Variants in DNAJC3 observed in about 807,000 individuals in gnomAD.
The protein encoded by DNAJC3 is dnaJ homolog subfamily C member 3.
Under a neutral mutation model 68.6 loss-of-function variants are expected in DNAJC3, and 38 were observed. That is an observed-to-expected ratio of 0.55 (90% CI 0.43 to 0.73). The LOEUF is 0.73. DNAJC3 is among the 30% of genes least tolerant of loss of function. The pLI is 0.00. For synonymous variants in DNAJC3, 203 were observed against 204.0 expected (o/e 1.00, Z 0.04); for missense variants, 526 against 591.9 (o/e 0.89, Z 1.16).
intron 11 of DNAJC3, among the ~76,000 whole-genome samples, chr13:95,788,774 G>A (rs976708815): frequency 3.3e-5 from 5 of 152,030 alleles, no homozygotes; most frequent in Non-Finnish European, 5.9e-5. Flanking sequence ...CCACCCCTAC[G>A]GAGAGTTCAC....
chr13:95,730,522 A>G (rs977556134), intron 4 of DNAJC3, among the ~76,000 whole-genome samples: 1 of 152,178 alleles, frequency 6.6e-6, no homozygotes, highest in Admixed American at 6.5e-5. Context: ...AATCTGCTGC[A>G]TATAGATATC....
At chr13:95,779,922 G>T (rs574709190) in intron 9 of DNAJC3, among the ~76,000 whole-genome samples, 1 of 152,180 alleles carries the variant, frequency 6.6e-6, no homozygotes, top group African/African-American at 2.4e-5. Context: ...TATTGTGCCA[G>T]TTAAAAAAAA....
intron 2 of DNAJC3, among the ~76,000 whole-genome samples, chr13:95,714,587 A>G (rs1233094882): frequency 6.6e-6 from 1 of 152,234 alleles, no homozygotes; most frequent in African/African-American, 2.4e-5. Flanking sequence ...TCACCTTAAG[A>G]AATAGTGGTT....
At chr13:95,714,047 C>A (rs570837580) in intron 2 of DNAJC3, among the ~76,000 whole-genome samples, 41 of 152,242 alleles carry the variant, frequency 2.7e-4, no homozygotes, top group African/African-American at 9.4e-4. Context: ...CGTATGTACT[C>A]TATGAAGGTA....
chr13:95,717,295 A>G (rs1344116762), intron 2 of DNAJC3, among the ~76,000 whole-genome samples: 5 of 152,210 alleles, frequency 3.3e-5, no homozygotes, highest in Admixed American at 2.0e-4. Flanking sequence ...CTAGATTTTT[A>G]TATCACTTAA....
intron 11 of DNAJC3, 77 bp from the exon 12 acceptor site, chr13:95,790,796 T>G: frequency 1.7e-5 from 12 of 712,778 alleles, no homozygotes; most frequent in Non-Finnish European, 2.5e-5. Context: ...CCCACCCTCC[T>G]CTGCCCAAAG....
chr13:95,719,016 C>T (rs940376504), intron 2 of DNAJC3, among the ~76,000 whole-genome samples: 15 of 152,210 alleles, frequency 9.9e-5, no homozygotes, highest in African/African-American at 3.6e-4. Flanking sequence ...GTTGTTTTAC[C>T]TGTACTTCTG....
At position 95,788,560 on chromosome 13, in the gene DNAJC3, C is replaced by T. The variant is rs1229540322; in HGVS notation, c.1357+1405C>T. Among the ~76,000 whole-genome samples the T allele has an allele frequency of 2.6e-5, 4 of 152,194 alleles. 1 individual carries two copies. Among genetic ancestry groups the T allele is most frequent in the African/African-American group, 4.8e-5 (2 of 41,440 alleles). ...TTTAGGAATATGTTTAGTAGAATCA[C>T]ATGATGTATGCCAATCTGAAACTTA... On this transcript the variant is annotated intron_variant, in intron 11 of 11. Transcript: ENST00000602402.
In DNAJC3 at chr13:95,763,881, A is replaced by G. The variant is rs1014004477; in HGVS notation, c.1003A>G (p.Met335Val). ...TAGGGTTTGTTCTGAAGTTTTACAGATGGAACCTGACAATGTGAATGCCCT... is the reference window on the plus strand; with the variant it reads ...TAGGGTTTGTTCTGAAGTTTTACAGGTGGAACCTGACAATGTGAATGCCCT... ...AIRVCSEVLQMEPDNVNALKD... is the reference protein window; with the variant it reads ...AIRVCSEVLQVEPDNVNALKD... Residue 335 changes from methionine to valine, a missense_variant, in exon 9 of 12, where the codon ATG becomes GTG. Coordinates refer to ENST00000602402, the MANE Select transcript of DNAJC3 (RefSeq NM_006260.5). The G allele has an allele frequency of 6.2e-7, 1 of 1,614,124 alleles. No homozygotes were observed. The highest frequency in any genetic ancestry group is 8.5e-7 in the Non-Finnish European group (1 of 1,179,972).
In DNAJC3 at chr13:95,790,936, G is replaced by C; in HGVS notation, c.1421G>C (p.Gly474Ala). Residue 474 changes from glycine to alanine, a missense_variant, in exon 12 of 12, where the codon GGC becomes GCC. Transcript: ENST00000602402. The part of the protein sequence containing the change: ...PLDAESQQGG[G>A]GNPFHRSWNS... Reference sequence around the variant, plus strand: ...GATGCAGAGAGCCAGCAAGGAGGCGGCGGCAACCCTTTCCACAGAAGCTGG... The same window carrying C: ...GATGCAGAGAGCCAGCAAGGAGGCGCCGGCAACCCTTTCCACAGAAGCTGG... 6.2e-7 allele frequency: 1 copy of C among 1,609,752 alleles called. No individual in the cohort carries two copies. Among genetic ancestry groups the C allele is most frequent in the Non-Finnish European group, 8.5e-7 (1 of 1,179,078 alleles).
chr13:95,785,584 G>A (rs1438544750), intron 9 of DNAJC3, among the ~76,000 whole-genome samples: 5 of 144,964 alleles, frequency 3.4e-5, no homozygotes, highest in East Asian at 4.4e-4. Context: ...TCAGCCTCCC[G>A]AGTAGCTGGG....
intron 9 of DNAJC3, among the ~76,000 whole-genome samples, chr13:95,773,984 C>G (rs1594022338): frequency 6.6e-6 from 1 of 152,162 alleles, no homozygotes; most frequent in South Asian, 2.1e-4. Context: ...ATCCACCCGC[C>G]TTGGCCTCCC....
Position 95,691,944 on chromosome 13 carries a change from A to T in DNAJC3, c.82+14607A>T, listed in dbSNP as rs375812950. On this transcript the variant is annotated intron_variant, in intron 1 of 11. Transcript: ENST00000602402. ...GCGGCGCGCGCCTGCAATCGCAGGC[A>T]CTGGGCAGGTTGAGGCAGGAGAATC... Among the ~76,000 whole-genome samples, 5 of 152,340 alleles carry T rather than the reference A, an allele frequency of 3.3e-5. No homozygotes were observed. The East Asian group carries it at 7.7e-4, about 24-fold the overall frequency.
At chr13:95,681,369 G>A (rs996920913) in intron 1 of DNAJC3, among the ~76,000 whole-genome samples, 1 of 151,402 alleles carries the variant, frequency 6.6e-6, no homozygotes, top group Non-Finnish European at 1.5e-5. Context: ...ATTTTTTTTC[G>A]AGACAAGGTC....
Position 95,794,782 on chromosome 13 carries a change from G to A in DNAJC3, c.*3752G>A, listed in dbSNP as rs910825618. 2 of 152,198 alleles carry A rather than the reference G, an allele frequency of 1.3e-5. No homozygotes were observed. The highest frequency in any genetic ancestry group is 1.9e-4 in the East Asian group (1 of 5,186). The allele number at this position is 152,198 out of a possible 1,614,324, so 9.4% of individuals were successfully genotyped here. The stretch of plus-strand genomic sequence containing the variant: ...CAAGGAGGAGGTAAACATTGGAGAT[G>A]TTTGTGAAAATATTACTCTTGCTGT... On this transcript the variant is annotated 3_prime_UTR_variant, in exon 12 of 12. Transcript: ENST00000602402.
At chr13:95,748,180 T>C (rs964224066) in intron 4 of DNAJC3, among the ~76,000 whole-genome samples, 3 of 152,214 alleles carry the variant, frequency 2.0e-5, no homozygotes, top group Admixed American at 1.3e-4. Context: ...CCAAATATAA[T>C]TGGATCAATT....
At chr13:95,757,559 T>G (rs1882699025) in intron 4 of DNAJC3, 85 bp from the exon 5 acceptor site, 1 of 1,307,500 alleles carries the variant, frequency 7.6e-7, no homozygotes, top group Non-Finnish European at 1.0e-6. Flanking sequence ...AACTTAAGTA[T>G]TTGGAATGGT....
chr13:95,784,496 A>G (rs1438608197), intron 9 of DNAJC3, among the ~76,000 whole-genome samples: 2 of 152,124 alleles, frequency 1.3e-5, no homozygotes, highest in Admixed American at 6.5e-5. Flanking sequence ...AATGTTGTCT[A>G]CCAGGGAAGC....
intron 11 of DNAJC3, among the ~76,000 whole-genome samples, chr13:95,790,431 C>G (rs1011848326): frequency 1.3e-5 from 2 of 152,140 alleles, no homozygotes; most frequent in African/African-American, 4.8e-5. Context: ...GTCTGAGGAG[C>G]CTTAGTGCTA....
Sources: gnomAD v4.1 joint callset for allele counts (sites outside exome capture counted in the v4.1 genomes callset) on GRCh38, gnomAD v4.1.1 for gene constraint, MANE v1.5 for transcripts, NCBI Gene and HGNC (gene_info 2026-07-23, HGNC 2026-07-21) for gene names.